Variants in GRM4 observed in about 807,000 individuals in gnomAD.
GRM4 encodes metabotropic glutamate receptor 4.
Under a neutral mutation model 81.7 loss-of-function variants are expected in GRM4, and 28 were observed. The observed-to-expected ratio is 0.34, with a 90% confidence interval of 0.25 to 0.47. GRM4 has a LOEUF of 0.47. Among genes scored for constraint, GRM4 ranks in the 20% least tolerant of loss-of-function variants. The pLI, the probability that GRM4 is intolerant of heterozygous loss-of-function variation, is 1.00. For missense variants in GRM4, 948 were observed against 1,290.0 expected (o/e 0.73, Z 4.06); for synonymous variants, 488 against 528.8 (o/e 0.92, Z 1.06).
At chr6:34,056,737 C>T in intron 5 of GRM4, 53 bp from the exon 6 acceptor site, 1 of 1,573,850 alleles carries the variant, frequency 6.4e-7, no homozygotes, top group Non-Finnish European at 8.6e-7. Context: ...CCCACCAGCC[C>T]CAGCCCTCCC....
intron 3 of GRM4, chr6:34,062,953 CT>C (rs1464377569): frequency 2.0e-5 from 3 of 152,216 alleles, no homozygotes; most frequent in Admixed American, 6.5e-5. Flanking sequence ...AGAGAAGTGG[CT>C]TACCCAAAGC....
In GRM4 at chr6:34,086,823, CA is replaced by C. The variant is rs1437764680; in HGVS notation, c.736+5059del. 3.9e-5 allele frequency among the ~76,000 whole-genome samples: 6 copies of C among 152,312 alleles called. No homozygotes were observed. The East Asian group carries it at 1.2e-3, about 29-fold the overall frequency. ...GCTAAATGAGGTAATATGTACAAAG[CA>C]CTTAAAACAGGCCTGGGCCAGGTGC... On this transcript the variant is annotated intron_variant, in intron 3 of 10. Coordinates refer to ENST00000538487, the MANE Select transcript of GRM4 (RefSeq NM_000841.4).
chr6:34,113,597 T>C (rs1769474611), intron 2 of GRM4, among the ~76,000 whole-genome samples: 1 of 152,034 alleles, frequency 6.6e-6, no homozygotes, highest in Non-Finnish European at 1.5e-5. Flanking sequence ...GGGGTGGGAC[T>C]CGGAGGGAGG....
At chr6:34,104,154 A>T (rs766341274) in intron 2 of GRM4, among the ~76,000 whole-genome samples, 1 of 152,244 alleles carries the variant, frequency 6.6e-6, no homozygotes, top group Non-Finnish European at 1.5e-5. Context: ...GACACAGGCA[A>T]TGATGACCTT....
intron 2 of GRM4, among the ~76,000 whole-genome samples, chr6:34,102,923 G>A (rs115166287): frequency 0.048 from 7,357 of 152,262 alleles, 195 homozygotes; most frequent in African/African-American, 0.073. Context: ...CTGACGCTGC[G>A]CCTGGGCAAG....
intron 6 of GRM4, among the ~76,000 whole-genome samples, chr6:34,045,340 C>T (rs1013657441): frequency 9.8e-5 from 15 of 152,356 alleles, no homozygotes; most frequent in Admixed American, 2.6e-4. Flanking sequence ...GTGCCTGGCA[C>T]CTCGCCTTCC....
chr6:34,100,545 G>C (rs1056889361), intron 2 of GRM4, among the ~76,000 whole-genome samples: 4 of 152,216 alleles, frequency 2.6e-5, no homozygotes, highest in African/African-American at 9.6e-5. Flanking sequence ...CCAAAGCTCT[G>C]TCAGGCCATT....
At chr6:34,098,078 G>T (rs769167814) in intron 2 of GRM4, among the ~76,000 whole-genome samples, 3 of 152,208 alleles carry the variant, frequency 2.0e-5, no homozygotes, top group Non-Finnish European at 4.4e-5. Flanking sequence ...GCAATCAAGT[G>T]AACTCTCTGG....
In GRM4 at chr6:34,049,233, C is replaced by T. The variant is rs180994746; in HGVS notation, c.1168+7311G>A. Among the ~76,000 whole-genome samples the T allele has an allele frequency of 2.9e-3, 445 of 152,196 alleles. 1 individual carries two copies. Among genetic ancestry groups the T allele is most frequent in the African/African-American group, 0.01 (417 of 41,506 alleles). ...TGCTTTTGTGGAGGTCACAATCGCC[C>T]CCCAGGTGGCTAAATACAATGGCCC... On this transcript the variant is annotated intron_variant, in intron 6 of 10. Coordinates refer to ENST00000538487, the MANE Select transcript of GRM4 (RefSeq NM_000841.4).
At chr6:34,085,881 C>T (rs370390236) in intron 3 of GRM4, among the ~76,000 whole-genome samples, 11 of 152,104 alleles carry the variant, frequency 7.2e-5, no homozygotes, top group African/African-American at 1.2e-4. Flanking sequence ...GGGAGACATC[C>T]GAGAAGATAC....
At chr6:34,084,623 C>A (rs1013657857) in intron 3 of GRM4, among the ~76,000 whole-genome samples, 10 of 152,192 alleles carry the variant, frequency 6.6e-5, no homozygotes, top group Non-Finnish European at 1.5e-4. Flanking sequence ...CCCAGCACGA[C>A]CCCAAGTGCC....
chr6:34,071,291 AC>A, intron 3 of GRM4, among the ~76,000 whole-genome samples: 1 of 149,704 alleles, frequency 6.7e-6, no homozygotes, highest in East Asian at 2.0e-4. Context: ...TACACACCAC[AC>A]ACACACATCA....
intron 6 of GRM4, chr6:34,054,750 T>C (rs4713736): frequency 0.33 from 50,365 of 151,994 alleles, 10,652 homozygotes; most frequent in African/African-American, 0.6. Flanking sequence ...TTCCAGTCTT[T>C]CCACCCCATC....
At position 34,061,938 on chromosome 6, in the gene GRM4, G is replaced by C. The variant is rs200915496; in HGVS notation, c.827C>G (p.Ser276Trp). ...AAAGATGATGACTGCCCTGGCGTTC[G>C]AAGTCTCCAGGAGGCGGCGGATGAT... Reference protein sequence around the residue: ...DKIIRRLLETSNARAVIIFAN... With the variant: ...DKIIRRLLETWNARAVIIFAN... The change falls in exon 4 of 11, where the codon TCG becomes TGG. Residue 276 changes from serine (S) to tryptophan (W), a missense_variant. Coordinates refer to ENST00000538487, the MANE Select transcript of GRM4 (RefSeq NM_000841.4). The C allele has an allele frequency of 1.2e-6, 2 of 1,613,768 alleles. No homozygotes were observed. The highest frequency in any genetic ancestry group is 1.7e-6 in the Non-Finnish European group (2 of 1,179,738).
chr6:34,028,462 C>T (rs1764251184), intron 9 of GRM4, 96 bp from the exon 10 acceptor site: 5 of 1,365,728 alleles, frequency 3.7e-6, no homozygotes, highest in East Asian at 4.6e-5. Flanking sequence ...CGGCATCCCG[C>T]TGCCTTCAGG....
At chr6:34,061,733 G>C (rs1020839365) in intron 4 of GRM4, 160 bp downstream of exon 4, 2 of 680,046 alleles carry the variant, frequency 2.9e-6, no homozygotes, top group Non-Finnish European at 2.5e-6. Context: ...GCTCTAGCCT[G>C]TGGGTCTCCC....
At chr6:34,098,003 C>T (rs1768624842) in intron 2 of GRM4, among the ~76,000 whole-genome samples, 1 of 152,204 alleles carries the variant, frequency 6.6e-6, no homozygotes, top group Non-Finnish European at 1.5e-5. Flanking sequence ...GTGTCCAGCA[C>T]CCATCGGAGC....
chr6:34,144,383 G>T (rs1442922403), intron 1 of GRM4, among the ~76,000 whole-genome samples: 1 of 152,210 alleles, frequency 6.6e-6, no homozygotes, highest in Non-Finnish European at 1.5e-5. Flanking sequence ...TGCACACACA[G>T]AGACCACTGC....
At chr6:34,101,459 G>T (rs1487714499) in intron 2 of GRM4, among the ~76,000 whole-genome samples, 1 of 152,150 alleles carries the variant, frequency 6.6e-6, no homozygotes, top group African/African-American at 2.4e-5. Context: ...CGTACACGGT[G>T]GGCCTACACA....
Sources: allele counts gnomAD v4.1 joint callset (sites outside exome capture counted in the v4.1 genomes callset), GRCh38; gene constraint gnomAD v4.1.1; transcripts MANE v1.5; gene names NCBI Gene and HGNC (gene_info 2026-07-23, HGNC 2026-07-21).